Variants in DHX8 observed in about 807,000 individuals in gnomAD.
DHX8 encodes ATP-dependent RNA helicase DHX8.
A neutral mutation model predicts 140.7 loss-of-function variants in DHX8; 67 were observed. The observed-to-expected ratio is 0.48, with a 90% confidence interval of 0.39 to 0.58. The LOEUF is 0.58. Among genes scored for constraint, DHX8 ranks in the 20% least tolerant of loss-of-function variants. The pLI is 0.00. For synonymous variants in DHX8, 533 were observed against 553.2 expected (o/e 0.96, Z 0.51); for missense variants, 887 against 1,550.7 (o/e 0.57, Z 7.19).
intron 11 of DHX8, among the ~76,000 whole-genome samples, chr17:43,501,548 A>G (rs574054721): frequency 2.0e-5 from 3 of 152,144 alleles, no homozygotes; most frequent in Non-Finnish European, 4.4e-5. Flanking sequence ...CAACACCATG[A>G]TCTTGACTCA....
chr17:43,485,100 A>G (rs1181391302), intron 1 of DHX8, among the ~76,000 whole-genome samples: 2 of 152,204 alleles, frequency 1.3e-5, no homozygotes, highest in African/African-American at 2.4e-5. Flanking sequence ...AGGGCAACCA[A>G]TGGATGGATT....
At position 43,524,140 on chromosome 17, in the gene DHX8, C is replaced by G; in HGVS notation, c.*293C>G. On this transcript the variant is annotated 3_prime_UTR_variant, in exon 23 of 23. Transcript: ENST00000262415. ...CAAGAAAGGGACAATTTGTGCAGCT[C>G]CAGGATGGGAAGGTGGAGTGGGTGA... 1 of 1,247,956 alleles carries G rather than the reference C, an allele frequency of 8.0e-7. No individual in the cohort carries two copies. Among genetic ancestry groups the G allele is most frequent in the Non-Finnish European group, 1.0e-6 (1 of 984,298 alleles). The allele number at this position is 1,247,956 out of a possible 1,614,324, so 77.3% of individuals were successfully genotyped here.
intron 1 of DHX8, among the ~76,000 whole-genome samples, chr17:43,485,013 A>G (rs1968053566): frequency 6.6e-6 from 1 of 152,220 alleles, no homozygotes; most frequent in Admixed American, 6.5e-5. Context: ...CTGAGGAATT[A>G]GAAAAGGCTA....
intron 2 of DHX8, chr17:43,533,476 G>A: frequency 1.1e-6 from 1 of 884,810 alleles, no homozygotes; most frequent in South Asian, 1.8e-5. Context: ...GCTGAGAAGG[G>A]AACGGCAGGA....
intron 11 of DHX8, among the ~76,000 whole-genome samples, chr17:43,500,574 A>C (rs1400095155): frequency 2.0e-5 from 3 of 152,108 alleles, no homozygotes; most frequent in Non-Finnish European, 4.4e-5. Flanking sequence ...AAAATGTTTT[A>C]ATAGCCATGG....
chr17:43,510,385 T>C (rs1489298066), intron 16 of DHX8, among the ~76,000 whole-genome samples: 1 of 152,282 alleles, frequency 6.6e-6, no homozygotes, highest in East Asian at 1.9e-4. Context: ...TCAAAGGCTT[T>C]TACCCATGGT....
chr17:43,497,565 T>C (rs1046729209), intron 9 of DHX8, among the ~76,000 whole-genome samples: 1 of 152,060 alleles, frequency 6.6e-6, no homozygotes, highest in Non-Finnish European at 1.5e-5. Context: ...AGACCAGCCC[T>C]GGCAACATAG....
At chr17:43,506,739 G>A (rs1484641051) in intron 12 of DHX8, among the ~76,000 whole-genome samples, 3 of 151,998 alleles carry the variant, frequency 2.0e-5, no homozygotes, top group East Asian at 1.9e-4. Flanking sequence ...TACAAACAAC[G>A]TAGAAATAAG....
intron 3 of DHX8, among the ~76,000 whole-genome samples, chr17:43,543,727 G>A (rs1185332225): frequency 6.6e-6 from 1 of 152,178 alleles, no homozygotes; most frequent in Non-Finnish European, 1.5e-5. Context: ...CGGGGATGAT[G>A]CACACAATAC....
chr17:43,486,375 A>C (rs910225099), intron 1 of DHX8, among the ~76,000 whole-genome samples: 8 of 152,202 alleles, frequency 5.3e-5, no homozygotes, highest in African/African-American at 1.9e-4. Flanking sequence ...TTATGTATTT[A>C]ATTTTTGGGA....
At chr17:43,529,616 C>T, downstream of DHX8, 2 of 1,614,110 alleles carry the variant, frequency 1.2e-6, no homozygotes, top group Non-Finnish European at 1.7e-6. Flanking sequence ...CTGCAGGGCA[C>T]CCCGGCGCTG....
In DHX8 at chr17:43,525,334, G is replaced by C. The variant is rs1970576404; in HGVS notation, c.*1487G>C. On this transcript the variant is annotated 3_prime_UTR_variant, in exon 23 of 23. Transcript: ENST00000262415. ...TAAGAGAGACTATGTAACATTCCAG[G>C]ATATAAAGGAATGTATGTTGTCACT... is the stretch of plus-strand genomic sequence containing the variant. 1.0e-6 allele frequency: 1 copy of C among 982,910 alleles called. No homozygotes were observed. Among genetic ancestry groups the C allele is most frequent in the Non-Finnish European group, 1.2e-6 (1 of 827,658 alleles). The allele number at this position is 982,910 out of a possible 1,614,324, so 60.9% of individuals were successfully genotyped here. A position where few individuals can be genotyped will look rare whatever the true frequency, so the allele number is the denominator to read the frequency against.
intron 19 of DHX8, 151 bp from the exon 20 acceptor site, chr17:43,520,600 C>T: frequency 2.3e-6 from 2 of 886,542 alleles, no homozygotes; most frequent in Admixed American, 2.7e-5. Flanking sequence ...GAATAAACAA[C>T]AGCATTCTTC....
At chr17:43,543,018 G>A (rs1041463875) in intron 3 of DHX8, among the ~76,000 whole-genome samples, 4 of 152,110 alleles carry the variant, frequency 2.6e-5, no homozygotes, top group Admixed American at 1.3e-4. Context: ...TTGGGATGGT[G>A]CAGGGGGACA....
rs1261801655 is a variant in DHX8, at chr17:43,507,180, T to A, written c.1906T>A (p.Cys636Ser). ...CAAAAGAGTGTCAGAGGAGTTTGGT[T>A]GTTGCTTAGGCCAAGAGGTAAGTAG... The part of the protein sequence containing the change: ...VAKRVSEEFG[C>S]CLGQEVGYTI... The change falls in exon 13 of 23, where the codon TGT becomes AGT. Residue 636 changes from cysteine (C) to serine (S), a missense_variant. Physicochemically the swap from Cys to Ser is moderately radical, Grantham distance 112 (BLOSUM62 -1). Coordinates refer to ENST00000262415, the MANE Select transcript of DHX8 (RefSeq NM_004941.3). 1 of 1,613,372 alleles carries A rather than the reference T, an allele frequency of 6.2e-7. No individual in the cohort carries two copies. The highest frequency in any genetic ancestry group is 1.1e-5 in the South Asian group (1 of 90,970).
At position 43,493,574 on chromosome 17, in the gene DHX8, C is replaced by A. The variant is rs1221323437; in HGVS notation, c.993C>A (p.Thr331=). The change falls in exon 7 of 23, where the codon ACC becomes ACA. Residue 331 remains threonine, a synonymous_variant. Transcript: ENST00000262415. The stretch of plus-strand genomic sequence containing the variant: ...TGCTGTCCTTCACTGGGACCAAGAC[C>A]AGCCTGAGCATGAAGGTAGGTGAGA... ...VKVLSFTGTK[T]SLSMKDVDQE... The A allele has an allele frequency of 1.2e-6, 2 of 1,614,018 alleles. No individual in the cohort carries two copies. The highest frequency in any genetic ancestry group is 2.7e-5 in the African/African-American group (2 of 74,902).
chr17:43,517,059 T>A, intron 17 of DHX8, 108 bp from the exon 18 acceptor site: 1 of 1,203,666 alleles, frequency 8.3e-7, no homozygotes, highest in South Asian at 1.7e-5. Flanking sequence ...ATCAACCCCA[T>A]TTCTGATTTT....
intron 1 of DHX8, among the ~76,000 whole-genome samples, chr17:43,487,233 T>A (rs1968217036): frequency 6.6e-6 from 1 of 152,242 alleles, no homozygotes; most frequent in South Asian, 2.1e-4. Flanking sequence ...ATTGACATTA[T>A]CGTTACTAAC....
chr17:43,528,906 T>G (rs1013655810), downstream of DHX8, among the ~76,000 whole-genome samples: 9 of 152,118 alleles, frequency 5.9e-5, no homozygotes, highest in Admixed American at 1.3e-4. Flanking sequence ...CCTTCACAGT[T>G]CTTACTCCTT....
Sources: allele counts gnomAD v4.1 joint callset (sites outside exome capture counted in the v4.1 genomes callset), GRCh38; gene constraint gnomAD v4.1.1; transcripts MANE v1.5; gene names NCBI Gene and HGNC (gene_info 2026-07-23, HGNC 2026-07-21).